Variants in EPB41L3 observed in about 807,000 individuals in gnomAD.
The protein encoded by EPB41L3 is band 4.1-like protein 3.
EPB41L3 carries 57 observed loss-of-function variants against 127.1 expected under a neutral mutation model. That is an observed-to-expected ratio of 0.45 (90% CI 0.36 to 0.56). EPB41L3 has a LOEUF of 0.56. Among genes scored for constraint, EPB41L3 ranks in the 20% least tolerant of loss-of-function variants. EPB41L3 has a pLI of 0.00. For missense variants in EPB41L3, 1,273 were observed against 1,372.2 expected (o/e 0.93, Z 1.14); for synonymous variants, 572 against 549.5 (o/e 1.04, Z -0.57).
At chr18:5,570,525 A>G (rs916240084) in intron 3 of EPB41L3, among the ~76,000 whole-genome samples, 1 of 152,194 alleles carries the variant, frequency 6.6e-6, no homozygotes, top group African/African-American at 2.4e-5. Flanking sequence ...TTAAATTTCT[A>G]AACAACTGGC....
At chr18:5,587,587 G>C (rs536909258) in intron 3 of EPB41L3, among the ~76,000 whole-genome samples, 1 of 152,090 alleles carries the variant, frequency 6.6e-6, no homozygotes, top group Non-Finnish European at 1.5e-5. Flanking sequence ...ACTGTATTTG[G>C]AAGACTATCC....
In EPB41L3 at chr18:5,543,891, C is replaced by T. The variant is rs915197450; in HGVS notation, c.-12+22G>A. On this transcript the variant is annotated intron_variant, in intron 1 of 22. Transcript: ENST00000341928. This position sits in a 1 kb window ranked among gnomAD's most constrained non-coding sequence, Gnocchi z 5.2. ...GCCGAGACCCCCTCGCAGTCCCCCA[C>T]TCCGAGAGGCGGAAAAGTTACCTGG... 4.1e-6 allele frequency: 4 copies of T among 985,190 alleles called. No homozygotes were observed. The highest frequency in any genetic ancestry group is 4.8e-6 in the Non-Finnish European group (4 of 829,928). The allele number at this position is 985,190 out of a possible 1,614,324, so 61.0% of individuals were successfully genotyped here. A position where few individuals can be genotyped will look rare whatever the true frequency, so the allele number is the denominator to read the frequency against.
In EPB41L3 at chr18:5,397,823, G is replaced by C. The variant is rs1481649673; in HGVS notation, c.2472+198C>G. On this transcript the variant is annotated intron_variant, in intron 17 of 22. Coordinates refer to ENST00000341928, the MANE Select transcript of EPB41L3 (RefSeq NM_012307.5). The surrounding 1 kb of genome is among the most constrained non-coding windows in gnomAD (Gnocchi z 4.1). The stretch of plus-strand genomic sequence containing the variant: ...TCTCAATATGATCGCCTTTCGAATA[G>C]TGAAGTACATTCTTGAGATGCAACT... Among the ~76,000 whole-genome samples the C allele has an allele frequency of 6.6e-6, 1 of 152,134 alleles. No homozygotes were observed. Among genetic ancestry groups the C allele is most frequent in the Non-Finnish European group, 1.5e-5 (1 of 68,034 alleles).
At chr18:5,597,187 G>A (rs2094545266) in intron 3 of EPB41L3, among the ~76,000 whole-genome samples, 1 of 152,150 alleles carries the variant, frequency 6.6e-6, no homozygotes, top group African/African-American at 2.4e-5. Flanking sequence ...TCCCCCTCAT[G>A]CCACCAGACC....
At chr18:5,455,796 A>T (rs980932864) in intron 3 of EPB41L3, among the ~76,000 whole-genome samples, 1 of 150,494 alleles carries the variant, frequency 6.6e-6, no homozygotes, top group African/African-American at 2.5e-5. Flanking sequence ...GTTTCACATC[A>T]CACATACGAG....
At chr18:5,617,454 G>A (rs28533678) in intron 1 of EPB41L3, among the ~76,000 whole-genome samples, 2,909 of 152,112 alleles carry the variant, frequency 0.019, 91 homozygotes, top group African/African-American at 0.066. Context: ...AAGCAGCTGG[G>A]ACCACAGGCG....
At chr18:5,569,440 C>G (rs1408392159) in intron 3 of EPB41L3, among the ~76,000 whole-genome samples, 5 of 151,938 alleles carry the variant, frequency 3.3e-5, no homozygotes, top group Admixed American at 6.6e-5. Flanking sequence ...TAAAGTAGTC[C>G]CCCTAATTAG....
At chr18:5,568,360 T>A (rs1449344827) in intron 3 of EPB41L3, among the ~76,000 whole-genome samples, 1 of 147,996 alleles carries the variant, frequency 6.8e-6, no homozygotes, top group African/African-American at 2.5e-5. Flanking sequence ...GAGAGTACCA[T>A]CTCCATCCAT....
chr18:5,516,539 T>C (rs1041014665), intron 1 of EPB41L3, among the ~76,000 whole-genome samples: 5 of 152,346 alleles, frequency 3.3e-5, no homozygotes, highest in South Asian at 2.1e-4. Flanking sequence ...CACTATCACG[T>C]CCGCTGAAGG....
At chr18:5,448,084 G>A (rs1459773297) in intron 3 of EPB41L3, among the ~76,000 whole-genome samples, 5 of 152,208 alleles carry the variant, frequency 3.3e-5, no homozygotes, top group East Asian at 1.9e-4. Context: ...TAAGTTATTC[G>A]GGCCTCCATT....
In EPB41L3 at chr18:5,392,771, T is replaced by C. The variant is rs532349975; in HGVS notation, c.*714A>G. ...CCCAAAATAATGACAATTTAAGCTC[T>C]CTGGATTGAACACAGACCAAAGCAA... is the stretch of plus-strand genomic sequence containing the variant. On this transcript the variant is annotated 3_prime_UTR_variant, in exon 23 of 23. Transcript: ENST00000341928. The C allele has an allele frequency of 2.0e-5, 3 of 152,388 alleles. No homozygotes were observed. The highest frequency in any genetic ancestry group is 4.4e-5 in the Non-Finnish European group (3 of 68,040). 9.4% of individuals were successfully genotyped at this position (152,388 alleles called of 1,614,324 possible).
At chr18:5,414,383 T>C (rs919581191) in intron 13 of EPB41L3, among the ~76,000 whole-genome samples, 7 of 152,102 alleles carry the variant, frequency 4.6e-5, no homozygotes, top group Admixed American at 2.6e-4. Context: ...ATTAAAAGTG[T>C]AGACTTTTAC....
intron 9 of EPB41L3, 47 bp from the exon 10 acceptor site, chr18:5,424,406 T>C (rs1175408679): frequency 7.0e-7 from 1 of 1,435,006 alleles, no homozygotes; most frequent in African/African-American, 1.4e-5. Context: ...AAATTATAAA[T>C]AACAGAAGCC....
At chr18:5,545,835 G>C, upstream of EPB41L3, among the ~76,000 whole-genome samples, 1 of 151,754 alleles carries the variant, frequency 6.6e-6, no homozygotes, top group Non-Finnish European at 1.5e-5. Flanking sequence ...GAGTATTAGA[G>C]ACATATATGC....
chr18:5,486,010 T>A (rs2089686025), intron 2 of EPB41L3, among the ~76,000 whole-genome samples: 1 of 152,020 alleles, frequency 6.6e-6, no homozygotes, highest in Admixed American at 6.5e-5. Context: ...TACATGGAAC[T>A]ACAAAAGACC....
At chr18:5,453,422 T>C (rs959995851) in intron 3 of EPB41L3, among the ~76,000 whole-genome samples, 1 of 152,172 alleles carries the variant, frequency 6.6e-6, no homozygotes, top group Admixed American at 6.5e-5. Context: ...AGAAGGTGTG[T>C]GCATTGGCAA....
intron 1 of EPB41L3, among the ~76,000 whole-genome samples, chr18:5,618,911 C>A (rs949219137): frequency 6.6e-6 from 1 of 152,178 alleles, no homozygotes; most frequent in Non-Finnish European, 1.5e-5. Context: ...CCTCTCTCTG[C>A]AACTTCAATA....
intron 3 of EPB41L3, among the ~76,000 whole-genome samples, chr18:5,574,471 G>C (rs1042813588): frequency 1.3e-5 from 2 of 149,424 alleles, no homozygotes; most frequent in Non-Finnish European, 3.0e-5. Flanking sequence ...TATTTTAGTA[G>C]AATCAGTTTT....
chr18:5,526,524 A>G (rs1481335650), intron 1 of EPB41L3, among the ~76,000 whole-genome samples: 1 of 152,202 alleles, frequency 6.6e-6, no homozygotes, highest in Non-Finnish European at 1.5e-5. Flanking sequence ...ATGAAGAGAG[A>G]CCATTCGATT....
Sources: gnomAD v4.1 joint callset for allele counts (sites outside exome capture counted in the v4.1 genomes callset) on GRCh38, gnomAD v4.1.1 for gene constraint, Gnocchi (gnomAD v3.1) non-coding constraint, MANE v1.5 for transcripts, NCBI Gene and HGNC (gene_info 2026-07-23, HGNC 2026-07-21) for gene names.